The following ANK1 variants were observed in gnomAD, a reference collection of about 807,000 sequenced individuals.
ANK1 encodes the protein ankyrin-1.
A neutral mutation model predicts 210.4 loss-of-function variants in ANK1; 51 were observed. The ratio of observed to expected loss-of-function variants is 0.24; its 90% CI spans 0.19 to 0.31. The LOEUF is 0.31. ANK1 is among the 10% of genes least tolerant of loss of function. ANK1 has a pLI of 1.00. For missense variants in ANK1, 2,051 were observed against 2,504.4 expected, an observed-to-expected ratio of 0.82 and a Z score of 3.86; for synonymous variants, 967 against 1,025.9, an observed-to-expected ratio of 0.94 and a Z score of 1.10.
At chr8:41,747,570 C>T (rs1210261433) in intron 2 of ANK1, among the ~76,000 whole-genome samples, 1 of 152,150 alleles carries the variant, frequency 6.6e-6, no homozygotes, top group Non-Finnish European at 1.5e-5. Context: ...GTAATCAGGT[C>T]CTAGCATGGA....
intron 29 of ANK1, among the ~76,000 whole-genome samples, chr8:41,693,495 T>C (rs901374452): frequency 1.5e-5 from 2 of 137,180 alleles, no homozygotes; most frequent in African/African-American, 5.6e-5. Context: ...TGCAGTGTAG[T>C]GGAATGATCT....
In ANK1 at chr8:41,758,511, T is replaced by TC. The variant is rs561450867; in HGVS notation, c.28-375_28-374insG. 5.6e-3 allele frequency among the ~76,000 whole-genome samples: 831 copies of TC among 147,650 alleles called. 8 individuals are homozygous for TC. The highest frequency in any genetic ancestry group is 7.9e-3 in the Non-Finnish European group (526 of 66,736). On this transcript the variant is annotated intron_variant, in intron 1 of 42. Transcript: ENST00000289734. ...CCAAGCCCAACTATTTTTTTAAACT[T>TC]TTTTTTTTTTTATAGAGACAGGGCA...
chr8:41,692,513 G>C, intron 31 of ANK1, 135 bp downstream of exon 31: 1 of 842,034 alleles, frequency 1.2e-6, no homozygotes, highest in East Asian at 2.4e-5. Context: ...TTCTCAAGAG[G>C]GGTCTCAAAG....
At chr8:41,822,066 G>A (rs1232214661) in intron 1 of ANK1, among the ~76,000 whole-genome samples, 1 of 6,720 alleles carries the variant, frequency 1.5e-4, no homozygotes, top group Non-Finnish European at 3.2e-4. Flanking sequence ...AAGAAAGAAA[G>A]AGAGAGAGAG....
At position 41,694,768 on chromosome 8, in the gene ANK1, C is replaced by T. The variant is rs748468242; in HGVS notation, c.3151G>A (p.Val1051Met). 1 of 1,614,114 alleles carries T rather than the reference C, an allele frequency of 6.2e-7. No homozygotes were observed. Among genetic ancestry groups the T allele is most frequent in the Non-Finnish European group, 8.5e-7 (1 of 1,180,006 alleles). The stretch of plus-strand genomic sequence containing the variant: ...AAGTCGGTGGTGATGATTCGGCACA[C>T]CCTCTTCTTCTCTAGCTCCTCCAGG... ...GSLEELEKKR[V>M]CRIITTDFPL... is the part of the protein sequence containing the mutation. The change falls in exon 28 of 43, where the codon GTG becomes ATG. Residue 1051 changes from valine (V) to methionine (M), a missense_variant. Val to Met is a conservative substitution (Grantham distance 21). This residue lies in a region of ANK1 where 1,413 missense variants were observed against 1,707.4 expected (regional missense o/e 0.83). Coordinates refer to ENST00000289734, the MANE Select transcript of ANK1 (RefSeq NM_000037.4). This position sits in a 1 kb window ranked among gnomAD's most constrained non-coding sequence, Gnocchi z 5.7.
At chr8:41,743,629 G>A (rs998377804) in intron 2 of ANK1, among the ~76,000 whole-genome samples, 2 of 152,174 alleles carry the variant, frequency 1.3e-5, no homozygotes, top group Non-Finnish European at 2.9e-5. Flanking sequence ...TGGAGTGGTT[G>A]GGAGGTTGTC....
At chr8:41,845,847 G>A (rs1486354208) in intron 1 of ANK1, among the ~76,000 whole-genome samples, 2 of 152,082 alleles carry the variant, frequency 1.3e-5, no homozygotes, top group South Asian at 2.1e-4. Context: ...CTTCCCATGC[G>A]GAAAGTACAT....
intron 1 of ANK1, among the ~76,000 whole-genome samples, chr8:41,864,346 A>T (rs1158938417): frequency 6.6e-6 from 1 of 151,984 alleles, no homozygotes; most frequent in Non-Finnish European, 1.5e-5. Flanking sequence ...ACTCTATAAG[A>T]ATGTTTCTTT....
intron 1 of ANK1, among the ~76,000 whole-genome samples, chr8:41,822,082 G>T (rs1177643120): frequency 3.2e-5 from 1 of 30,972 alleles, no homozygotes; most frequent in African/African-American, 3.7e-4. Flanking sequence ...GAGAGAGAGA[G>T]AGAGAGAGAG....
At chr8:41,823,003 G>A (rs927980215) in intron 1 of ANK1, among the ~76,000 whole-genome samples, 1 of 152,198 alleles carries the variant, frequency 6.6e-6, no homozygotes, top group African/African-American at 2.4e-5. Flanking sequence ...GAAAGCTAAC[G>A]CCTACATGAC....
At chr8:41,773,280 C>A (rs1332774118) in intron 1 of ANK1, among the ~76,000 whole-genome samples, 5 of 152,126 alleles carry the variant, frequency 3.3e-5, no homozygotes, top group Non-Finnish European at 5.9e-5. Flanking sequence ...ACAGAGTTGG[C>A]ACCAATCTCC....
Position 41,686,264 on chromosome 8 carries a change from C to G in ANK1, c.4278G>C (p.Gln1426His). The G allele has an allele frequency of 1.2e-6, 2 of 1,613,920 alleles. No homozygotes were observed. The highest frequency in any genetic ancestry group is 1.7e-6 in the Non-Finnish European group (2 of 1,180,038). Residue 1426 changes from glutamine to histidine, a missense_variant, in exon 36 of 43, where the codon CAG becomes CAC. Gln to His is a conservative substitution (Grantham distance 24, BLOSUM62 0). Coordinates refer to ENST00000289734, the MANE Select transcript of ANK1 (RefSeq NM_000037.4). ...TCCTGTTGATGTCTTCCACACTGAA[C>G]TGCAGCTCCCGGGCCAACTCTGCAA... ...LSWAELARELQFSVEDINRIR... is the reference protein window; with the variant it reads ...LSWAELARELHFSVEDINRIR...
chr8:41,784,771 GCA>G (rs1327911444), intron 1 of ANK1, among the ~76,000 whole-genome samples: 1 of 152,228 alleles, frequency 6.6e-6, no homozygotes, highest in Non-Finnish European at 1.5e-5. Flanking sequence ...CTTGATGCAT[GCA>G]CAGTTTTTGA....
intron 1 of ANK1, among the ~76,000 whole-genome samples, chr8:41,849,661 C>T (rs1390260133): frequency 6.6e-6 from 1 of 152,172 alleles, no homozygotes; most frequent in Non-Finnish European, 1.5e-5. Context: ...GGGAAGGTGC[C>T]CACCACACAC....
intron 2 of ANK1, among the ~76,000 whole-genome samples, chr8:41,754,487 G>A (rs1490805329): frequency 6.6e-6 from 1 of 152,156 alleles, no homozygotes; most frequent in Non-Finnish European, 1.5e-5. Flanking sequence ...ATGGCAAACA[G>A]TACGCATTCT....
chr8:41,868,819 A>C (rs559879691), intron 1 of ANK1, among the ~76,000 whole-genome samples: 4 of 152,320 alleles, frequency 2.6e-5, no homozygotes, highest in African/African-American at 9.6e-5. Context: ...CCTGGAACAA[A>C]TTTTATAACA....
chr8:41,688,107 G>A (rs1300956337), intron 35 of ANK1, 49 bp downstream of exon 35: 1 of 1,563,980 alleles, frequency 6.4e-7, no homozygotes, highest in Non-Finnish European at 8.8e-7. Context: ...AGGGGAAGAG[G>A]GTAGGTGAGA....
chr8:41,694,097 C>G lies in ANK1; in HGVS notation c.3333G>C (p.Gln1111His). The G allele has an allele frequency of 6.2e-7, 1 of 1,613,782 alleles. No homozygotes were observed. Among genetic ancestry groups the G allele is most frequent in the Non-Finnish European group, 8.5e-7 (1 of 1,179,898 alleles). ...TAGTGACAAGCTCATCCGGGACAGG[C>G]TGGGCCTGTGAAATGACAGAGGCAG... Reference protein sequence around the residue: ...TKRVKLALQAQPVPDELVTKL... With the variant: ...TKRVKLALQAHPVPDELVTKL... Residue 1111 changes from glutamine (Q) to histidine (H), a missense_variant, in exon 29 of 43, where the codon CAG becomes CAC. Gln to His is a conservative substitution (Grantham distance 24). Coordinates refer to ENST00000289734, the MANE Select transcript of ANK1 (RefSeq NM_000037.4). The surrounding 1 kb of genome is among the most constrained non-coding windows in gnomAD (Gnocchi z 5.7).
intron 2 of ANK1, among the ~76,000 whole-genome samples, chr8:41,755,418 G>C (rs1057409470): frequency 1.3e-5 from 2 of 152,214 alleles, no homozygotes; most frequent in Non-Finnish European, 2.9e-5. Context: ...ATTCCTTTGA[G>C]AGCTAGAATC....
Sources: gnomAD v4.1 joint callset for allele counts (sites outside exome capture counted in the v4.1 genomes callset) on GRCh38, gnomAD v4.1.1 for gene constraint, gnomAD v4.1.1 regional missense constraint, Gnocchi (gnomAD v3.1) non-coding constraint, MANE v1.5 for transcripts, NCBI Gene and HGNC (gene_info 2026-07-23, HGNC 2026-07-21) for gene names.